The following CBLB variants were observed in gnomAD, a reference collection of about 807,000 sequenced individuals.
CBLB encodes the protein E3 ubiquitin-protein ligase CBL-B.
A neutral mutation model predicts 104.9 loss-of-function variants in CBLB; 31 were observed. The observed-to-expected ratio is 0.30, with a 90% CI of 0.22 to 0.40. The LOEUF is 0.40. Among genes scored for constraint, CBLB ranks in the 10% least tolerant of loss-of-function variants. The pLI, the probability that CBLB is intolerant of heterozygous loss-of-function variation, is 1.00. For synonymous variants in CBLB, 440 were observed against 422.6 expected, an observed-to-expected ratio of 1.04 and a Z score of -0.51; for missense variants, 1,062 against 1,214.6, an observed-to-expected ratio of 0.87 and a Z score of 1.87.
chr3:105,722,157 A>G (rs2152830873), intron 9 of CBLB, among the ~76,000 whole-genome samples: 1 of 144,654 alleles, frequency 6.9e-6, no homozygotes, highest in Non-Finnish European at 1.5e-5. Flanking sequence ...CTACGACAGC[A>G]TGACTGCCCT....
chr3:105,791,915 G>A (rs2081691648), intron 3 of CBLB, among the ~76,000 whole-genome samples: 1 of 152,068 alleles, frequency 6.6e-6, no homozygotes, highest in African/African-American at 2.4e-5. Context: ...ATGCCACAAG[G>A]AATAATACAA....
intron 3 of CBLB, among the ~76,000 whole-genome samples, chr3:105,804,097 G>T (rs372661585): frequency 2.0e-5 from 3 of 152,178 alleles, no homozygotes; most frequent in South Asian, 4.1e-4. Context: ...ACTTTAAAAA[G>T]TTGACTTCTT....
At chr3:105,779,536 T>A (rs910719902) in intron 3 of CBLB, among the ~76,000 whole-genome samples, 20 of 152,120 alleles carry the variant, frequency 1.3e-4, no homozygotes, top group African/African-American at 4.8e-4. Context: ...TATATATATT[T>A]ACTTTATACT....
At chr3:105,761,296 T>C (rs1359036985) in intron 4 of CBLB, among the ~76,000 whole-genome samples, 1 of 152,206 alleles carries the variant, frequency 6.6e-6, no homozygotes, top group Non-Finnish European at 1.5e-5. Context: ...CCTCCCAAAA[T>C]ACTGGGATTA....
intron 3 of CBLB, among the ~76,000 whole-genome samples, chr3:105,840,279 T>C (rs532839056): frequency 7.2e-5 from 11 of 151,978 alleles, no homozygotes; most frequent in African/African-American, 2.7e-4. Flanking sequence ...CACATGTATA[T>C]ACATAAACAG....
chr3:105,703,407 A>G (rs1185821219), intron 11 of CBLB, among the ~76,000 whole-genome samples: 3 of 152,218 alleles, frequency 2.0e-5, no homozygotes, highest in Non-Finnish European at 4.4e-5. Context: ...TTCGAGGAAA[A>G]AATCCACACA....
At chr3:105,801,093 T>G (rs1163136243) in intron 3 of CBLB, among the ~76,000 whole-genome samples, 1 of 152,162 alleles carries the variant, frequency 6.6e-6, no homozygotes, top group Non-Finnish European at 1.5e-5. Flanking sequence ...TCTTAATCGC[T>G]TGTGAGTTGA....
At chr3:105,806,124 A>G (rs996574371) in intron 3 of CBLB, among the ~76,000 whole-genome samples, 3 of 152,142 alleles carry the variant, frequency 2.0e-5, no homozygotes, top group Admixed American at 6.5e-5. Context: ...ATTCAGTGGG[A>G]TTTTTAATTC....
chr3:105,850,876 A>T (rs1216872643), intron 3 of CBLB, among the ~76,000 whole-genome samples: 1 of 152,158 alleles, frequency 6.6e-6, no homozygotes. Flanking sequence ...GTGGATGTGG[A>T]GCACCAAGAA....
intron 17 of CBLB, chr3:105,672,180 T>C (rs1354243998): frequency 5.2e-6 from 1 of 190,556 alleles, no homozygotes; most frequent in African/African-American, 2.3e-5. Flanking sequence ...CTATTTCTAA[T>C]CATCTATTTA....
At chr3:105,775,324 T>G (rs1243741783) in intron 4 of CBLB, among the ~76,000 whole-genome samples, 1 of 152,110 alleles carries the variant, frequency 6.6e-6, no homozygotes, top group African/African-American at 2.4e-5. Flanking sequence ...TATTCCAATC[T>G]TGGTGGTGAC....
chr3:105,699,369 G>T (rs1224045569), intron 12 of CBLB, among the ~76,000 whole-genome samples: 1 of 151,992 alleles, frequency 6.6e-6, no homozygotes, highest in Non-Finnish European at 1.5e-5. Context: ...TAGATAGCTG[G>T]AAGCTAACTA....
intron 3 of CBLB, chr3:105,839,273 A>C (rs1371915167): frequency 6.6e-6 from 1 of 152,252 alleles, no homozygotes; most frequent in African/African-American, 2.4e-5. Context: ...AATGCTTGTC[A>C]GACATTAGTG....
At chr3:105,702,605 A>G (rs547421148) in intron 11 of CBLB, 146 bp from the exon 12 acceptor site, 22 of 823,414 alleles carry the variant, frequency 2.7e-5, no homozygotes, top group South Asian at 1.4e-4. Context: ...CCATCTTTTA[A>G]TAAGTTGCTT....
intron 16 of CBLB, chr3:105,680,999 G>C (rs551172986): frequency 6.2e-6 from 1 of 160,250 alleles, no homozygotes; most frequent in Non-Finnish European, 1.4e-5. Flanking sequence ...AGATTTTTTT[G>C]AATGTGTTAC....
intron 18 of CBLB, among the ~76,000 whole-genome samples, chr3:105,668,830 C>T (rs899104736): frequency 3.9e-5 from 6 of 152,108 alleles, no homozygotes; most frequent in Admixed American, 1.3e-4. Context: ...ATTCTTAAAA[C>T]AGCTCATTAA....
Position 105,655,628 on chromosome 3 carries a change from A to G in CBLB, c.*3342T>C, listed in dbSNP as rs1337679540. 5.3e-6 allele frequency: 1 copy of G among 189,756 alleles called. No homozygotes were observed. The highest frequency in any genetic ancestry group is 8.4e-5 in the East Asian group (1 of 11,936). The allele number at this position is 189,756 out of a possible 1,614,324, so 11.8% of individuals were successfully genotyped here. A position where few individuals can be genotyped will look rare whatever the true frequency, so the allele number is the denominator to read the frequency against. On this transcript the variant is annotated 3_prime_UTR_variant, in exon 19 of 19. Coordinates refer to ENST00000394030, the MANE Select transcript of CBLB (RefSeq NM_170662.5). ...AAAAGGCATTTTAAAAAACAATAAA[A>G]TAGTAATTGGGGAAAAAACCCTTCA...
chr3:105,701,993 C>T (rs1039138263), intron 12 of CBLB, 101 bp downstream of exon 12: 3 of 1,271,588 alleles, frequency 2.4e-6, no homozygotes, highest in Non-Finnish European at 2.3e-6. Context: ...CAGGGAAGTG[C>T]CATGCTAGGC....
chr3:105,853,021 A>C (rs944246987), intron 3 of CBLB, among the ~76,000 whole-genome samples: 3 of 152,080 alleles, frequency 2.0e-5, no homozygotes, highest in African/African-American at 7.2e-5. Context: ...CCGGCCTTTT[A>C]TACAGTATTT....
Sources: allele counts gnomAD v4.1 joint callset (sites outside exome capture counted in the v4.1 genomes callset), GRCh38; gene constraint gnomAD v4.1.1; transcripts MANE v1.5; gene names NCBI Gene and HGNC (gene_info 2026-07-23, HGNC 2026-07-21).